The following CMIP variants were observed in gnomAD, a reference collection of about 807,000 sequenced individuals.
CMIP encodes C-Maf-inducing protein.
A neutral mutation model predicts 97.3 loss-of-function variants in CMIP; 13 were observed. The observed-to-expected ratio is 0.13, with a 90% CI of 0.09 to 0.21. The LOEUF (loss-of-function observed/expected upper bound fraction) is 0.21. Among genes scored for constraint, CMIP ranks in the 10% least tolerant of loss-of-function variants. CMIP has a pLI of 1.00. For missense variants in CMIP, 847 were observed against 1,024.9 expected (o/e 0.83, Z 2.37); for synonymous variants, 538 against 436.3 (o/e 1.23, Z -2.91).
chr16:81,688,576 A>G (rs1365686826), intron 10 of CMIP, among the ~76,000 whole-genome samples: 2 of 152,212 alleles, frequency 1.3e-5, no homozygotes, highest in Non-Finnish European at 2.9e-5. Context: ...AGCCCTTAGC[A>G]TCCTGCAGTG....
chr16:81,523,891 G>A (rs968065931), intron 1 of CMIP, among the ~76,000 whole-genome samples: 12 of 152,368 alleles, frequency 7.9e-5, no homozygotes, highest in African/African-American at 2.6e-4. Flanking sequence ...ACGTCAAGGC[G>A]TCTTGAACTA....
At chr16:81,642,144 C>A (rs1396628721) in intron 3 of CMIP, among the ~76,000 whole-genome samples, 1 of 152,226 alleles carries the variant, frequency 6.6e-6, no homozygotes, top group African/African-American at 2.4e-5. Flanking sequence ...CATCAGAACC[C>A]AGTGTGCGTG....
chr16:81,542,353 C>G (rs912561382), intron 1 of CMIP, among the ~76,000 whole-genome samples: 1 of 152,154 alleles, frequency 6.6e-6, no homozygotes, highest in Non-Finnish European at 1.5e-5. Flanking sequence ...GTCACGCAGG[C>G]ATTTCTTGAG....
chr16:81,463,919 G>T (rs184923167), intron 1 of CMIP: 3 of 152,380 alleles, frequency 2.0e-5, no homozygotes, highest in Admixed American at 2.0e-4. Flanking sequence ...AGTAGGTGTT[G>T]GTTGGACAAC....
In CMIP at chr16:81,457,019, C is replaced by T. The variant is rs144600893; in HGVS notation, c.300+11478C>T. Among the ~76,000 whole-genome samples the T allele has an allele frequency of 7.9e-5, 12 of 152,316 alleles. No individual in the cohort carries two copies. In the East Asian group the frequency reaches 2.3e-3, roughly 29 times the overall value. On this transcript the variant is annotated intron_variant, in intron 1 of 20. Coordinates refer to ENST00000537098, the MANE Select transcript of CMIP (RefSeq NM_198390.3). ...AGACCACCTGACCCTGCAGAGCGCTCTGTCACAGCCGGTGGTGAGGACTGG... is the reference window on the plus strand; with the variant it reads ...AGACCACCTGACCCTGCAGAGCGCTTTGTCACAGCCGGTGGTGAGGACTGG...
intron 1 of CMIP, among the ~76,000 whole-genome samples, chr16:81,447,892 G>A (rs980790275): frequency 4.6e-5 from 7 of 152,182 alleles, no homozygotes; most frequent in Admixed American, 1.3e-4. Flanking sequence ...CAGGGCTCTC[G>A]TCCCATCATG....
chr16:81,658,901 G>A (rs1469875005), intron 5 of CMIP, among the ~76,000 whole-genome samples: 1 of 152,216 alleles, frequency 6.6e-6, no homozygotes, highest in African/African-American at 2.4e-5. Context: ...CCACTCAGTC[G>A]GCCCTGGCAA....
intron 1 of CMIP, among the ~76,000 whole-genome samples, chr16:81,561,603 C>T (rs939941540): frequency 3.3e-5 from 5 of 152,066 alleles, no homozygotes; most frequent in Non-Finnish European, 7.4e-5. Flanking sequence ...CAGAGGGCCT[C>T]GCAGACAATT....
In CMIP at chr16:81,678,639, C is replaced by CCA. The variant is rs767548942; in HGVS notation, c.1388+12_1388+13insAC. ...AATCCTCAAGCTGCTGTGAGTGCCCCCCCCGCGTGCCCGCCCCCGGGGCCG... is the reference window on the plus strand; with the variant it reads ...AATCCTCAAGCTGCTGTGAGTGCCCCCACCCCGCGTGCCCGCCCCCGGGGCCG... On this transcript the variant is annotated intron_variant, in intron 10 of 20. Coordinates refer to ENST00000537098, the MANE Select transcript of CMIP (RefSeq NM_198390.3). 3 of 1,357,746 alleles carry CCA rather than the reference C, an allele frequency of 2.2e-6. No homozygotes were observed. Among genetic ancestry groups the CCA allele is most frequent in the Non-Finnish European group, 3.1e-6 (3 of 967,604 alleles). 84.1% of individuals were successfully genotyped at this position (1,357,746 alleles called of 1,614,324 possible).
chr16:81,496,157 A>G (rs531303609), intron 1 of CMIP, among the ~76,000 whole-genome samples: 1 of 152,328 alleles, frequency 6.6e-6, no homozygotes, highest in South Asian at 2.1e-4. Flanking sequence ...CCAAGGGTGG[A>G]TATGAGTGCT....
At chr16:81,475,986 CAA>C (rs371817286) in intron 1 of CMIP, 3,416 of 378,690 alleles carry the variant, frequency 9.0e-3, no homozygotes, top group Middle Eastern at 0.013. Flanking sequence ...GACTCCTTCT[CAA>C]AAAAAAAAAA....
intron 3 of CMIP, among the ~76,000 whole-genome samples, chr16:81,639,014 C>T (rs1012842270): frequency 6.6e-6 from 1 of 152,148 alleles, no homozygotes; most frequent in Admixed American, 6.5e-5. Context: ...ATCAGAGAGC[C>T]TTTCCAGAAT....
chr16:81,451,180 A>T (rs574313196), intron 1 of CMIP, among the ~76,000 whole-genome samples: 1 of 152,234 alleles, frequency 6.6e-6, no homozygotes, highest in South Asian at 2.1e-4. Flanking sequence ...GTGTTGTGGG[A>T]GGGACCCAGT....
At chr16:81,585,189 A>T (rs1175744760) in intron 1 of CMIP, among the ~76,000 whole-genome samples, 1 of 152,066 alleles carries the variant, frequency 6.6e-6, no homozygotes, top group Non-Finnish European at 1.5e-5. Flanking sequence ...TAGAAATACA[A>T]AAATTAGCCA....
chr16:81,516,903 A>G (rs1363146767), intron 1 of CMIP, among the ~76,000 whole-genome samples: 1 of 152,198 alleles, frequency 6.6e-6, no homozygotes, highest in East Asian at 1.9e-4. Context: ...CTTCAAGGTC[A>G]TCGGTGAAAA....
chr16:81,665,044 C>T (rs570155305), intron 7 of CMIP: 2 of 152,330 alleles, frequency 1.3e-5, no homozygotes, highest in South Asian at 2.1e-4. Context: ...TCTACGGGGG[C>T]GTAACGACTA....
chr16:81,674,334 T>C (rs559641628), intron 9 of CMIP, among the ~76,000 whole-genome samples: 1 of 152,346 alleles, frequency 6.6e-6, no homozygotes, highest in South Asian at 2.1e-4. Context: ...GGTTTCACCA[T>C]GTTAGCCAGG....
chr16:81,697,991 G>GCCCCCCCCCCCCC (rs747163023), intron 14 of CMIP: 3 of 138,036 alleles, frequency 2.2e-5, no homozygotes, highest in Non-Finnish European at 3.2e-5. Context: ...GCTCAGCTGC[G>GCCCCCCCCCCCCC]CCCCCCCGCC....
chr16:81,701,535 G>C, intron 15 of CMIP, 125 bp from the exon 16 acceptor site: 1 of 1,356,194 alleles, frequency 7.4e-7, no homozygotes, highest in Non-Finnish European at 1.0e-6. Flanking sequence ...GGCTTACACA[G>C]CCGGGGCTGC....
Sources: gnomAD v4.1 joint callset for allele counts (sites outside exome capture counted in the v4.1 genomes callset) on GRCh38, gnomAD v4.1.1 for gene constraint, MANE v1.5 for transcripts, NCBI Gene and HGNC (gene_info 2026-07-23, HGNC 2026-07-21) for gene names.